SFMBT2: variants seen among roughly 807,000 people sequenced by gnomAD.
The protein encoded by SFMBT2 is scm-like with four MBT domains protein 2.
SFMBT2 carries 38 observed loss-of-function variants against 110.1 expected under a neutral mutation model. That is an observed-to-expected ratio of 0.35 (90% confidence interval 0.27 to 0.45). The LOEUF (loss-of-function observed/expected upper bound fraction) is 0.45, where lower values mean the gene tolerates loss of function less well. SFMBT2 is among the 20% of genes least tolerant of loss of function. SFMBT2 has a pLI of 1.00. For missense variants in SFMBT2, 1,011 were observed against 1,094.9 expected (o/e 0.92, Z 1.08); for synonymous variants, 425 against 425.4 (o/e 1.00, Z 0.01).
chr10:7,228,402 C>A (rs546840956), intron 9 of SFMBT2: 1 of 812,446 alleles, frequency 1.2e-6, no homozygotes, highest in African/African-American at 1.9e-5. Context: ...AAAACAGTAC[C>A]AGGGACGACT....
At position 7,186,423 on chromosome 10, in the gene SFMBT2, T is replaced by TACACACACACACACAC. The variant is rs766631230; in HGVS notation, c.1808+2200_1808+2201insGTGTGTGTGTGTGTGT. 5.5e-5 allele frequency among the ~76,000 whole-genome samples: 6 copies of TACACACACACACACAC among 108,124 alleles called. No individual in the cohort carries two copies. The South Asian group carries it at 1.2e-3, about 22-fold the overall frequency. The allele number at this position is 108,124 out of a possible 152,430, so 70.9% of individuals were successfully genotyped here. ...CATATACACATACATACATACTATA[T>TACACACACACACACAC]ATACACACACACACACACACACACA... On this transcript the variant is annotated intron_variant, in intron 16 of 20. Transcript: ENST00000397167.
intron 4 of SFMBT2, among the ~76,000 whole-genome samples, chr10:7,315,204 C>T (rs1423703068): frequency 1.3e-5 from 2 of 152,176 alleles, no homozygotes; most frequent in African/African-American, 2.4e-5. Context: ...TGTGCCTGGC[C>T]ATGATGCTCA....
chr10:7,397,026 C>T (rs1220109570), intron 1 of SFMBT2, among the ~76,000 whole-genome samples: 2 of 151,986 alleles, frequency 1.3e-5, no homozygotes, highest in South Asian at 2.1e-4. Context: ...GCACGTTGTG[C>T]ACATGTACCC....
chr10:7,242,839 C>T (rs1052037649), intron 9 of SFMBT2, among the ~76,000 whole-genome samples: 1 of 152,210 alleles, frequency 6.6e-6, no homozygotes, highest in South Asian at 2.1e-4. Flanking sequence ...TACAAAACCC[C>T]TTATTATTTA....
chr10:7,173,724 C>T (rs1837961438), intron 17 of SFMBT2, among the ~76,000 whole-genome samples: 1 of 152,224 alleles, frequency 6.6e-6, no homozygotes, highest in African/African-American at 2.4e-5. Flanking sequence ...AAAGGTTCAA[C>T]CGTCCCACTA....
intron 7 of SFMBT2, among the ~76,000 whole-genome samples, chr10:7,263,754 T>C (rs963724894): frequency 1.3e-5 from 2 of 152,204 alleles, no homozygotes; most frequent in Non-Finnish European, 2.9e-5. Context: ...ATTTAGCTGC[T>C]GAATAAGGGA....
intron 6 of SFMBT2, among the ~76,000 whole-genome samples, 166 bp downstream of exon 6, chr10:7,283,738 T>C (rs1434999646): frequency 1.3e-5 from 2 of 152,240 alleles, no homozygotes; most frequent in African/African-American, 4.8e-5. Flanking sequence ...ATTGAGGTCT[T>C]AGGTTTTAGT....
intron 4 of SFMBT2, among the ~76,000 whole-genome samples, chr10:7,296,931 G>C (rs954725786): frequency 6.6e-6 from 1 of 152,180 alleles, no homozygotes; most frequent in African/African-American, 2.4e-5. Context: ...GGCTCTTCCT[G>C]GGTCTAAAGC....
chr10:7,401,417 G>A (rs1249875087), intron 1 of SFMBT2, among the ~76,000 whole-genome samples: 1 of 152,188 alleles, frequency 6.6e-6, no homozygotes, highest in Non-Finnish European at 1.5e-5. Flanking sequence ...CACGGAGCTG[G>A]AGGAGTGATC....
Position 7,163,750 on chromosome 10 carries a change from G to T in SFMBT2, c.*20C>A, listed in dbSNP as rs1487175583. 5.6e-6 allele frequency: 9 copies of T among 1,606,638 alleles called. No individual in the cohort carries two copies. Among genetic ancestry groups the T allele is most frequent in the Non-Finnish European group, 7.7e-6 (9 of 1,174,692 alleles). ...CAACACCGCATCCCAGCAATAATGG[G>T]CCACCTCCCGAGGGCAGACTCAGTT... On this transcript the variant is annotated 3_prime_UTR_variant, in exon 21 of 21. Coordinates refer to ENST00000397167, the MANE Select transcript of SFMBT2 (RefSeq NM_001387889.1). The surrounding 1 kb of genome is among the most constrained non-coding windows in gnomAD (Gnocchi z 4.8).
At chr10:7,378,209 G>T in intron 2 of SFMBT2, among the ~76,000 whole-genome samples, 2 of 19,092 alleles carry the variant, frequency 1.0e-4, no homozygotes, top group Admixed American at 4.5e-4. Flanking sequence ...TGTATGTGTG[G>T]ATGTGTGATG....
chr10:7,276,043 T>C (rs11814956), intron 7 of SFMBT2, among the ~76,000 whole-genome samples: 4,452 of 152,362 alleles, frequency 0.029, 229 homozygotes, highest in African/African-American at 0.1. Context: ...TATGATTTCC[T>C]TGGATGAACC....
At chr10:7,236,010 A>T (rs1356210401) in intron 9 of SFMBT2, among the ~76,000 whole-genome samples, 1 of 152,212 alleles carries the variant, frequency 6.6e-6, no homozygotes, top group Non-Finnish European at 1.5e-5. Flanking sequence ...CAAGTATCAC[A>T]AAAGTCATAT....
intron 4 of SFMBT2, among the ~76,000 whole-genome samples, chr10:7,363,720 C>A (rs535092784): frequency 6.6e-6 from 1 of 152,088 alleles, no homozygotes; most frequent in Non-Finnish European, 1.5e-5. Flanking sequence ...ACTAATACCC[C>A]CCTCATGCAA....
At chr10:7,196,220 T>A (rs1476256035) in intron 15 of SFMBT2, among the ~76,000 whole-genome samples, 2 of 152,112 alleles carry the variant, frequency 1.3e-5, no homozygotes, top group Non-Finnish European at 2.9e-5. Flanking sequence ...GCAGGCCCCA[T>A]CCAATTTGCT....
In SFMBT2 at chr10:7,202,857, TA is replaced by T. The variant is rs753412438; in HGVS notation, c.1445-336del. ...GTTCAGATCAATTGTTGCAAGCAGT[TA>T]TCCGGAATGATTTTTTTCCAATAAA... On this transcript the variant is annotated intron_variant, in intron 12 of 20. Transcript: ENST00000397167. 1.6e-5 allele frequency: 16 copies of T among 985,330 alleles called. No homozygotes were observed. In the African/African-American group the frequency reaches 1.7e-4, roughly 11 times the overall value. 61.0% of individuals were successfully genotyped at this position (985,330 alleles called of 1,614,324 possible). A position where few individuals can be genotyped will look rare whatever the true frequency, so the allele number is the denominator to read the frequency against.
intron 2 of SFMBT2, among the ~76,000 whole-genome samples, chr10:7,377,296 C>G (rs2132072298): frequency 6.6e-6 from 1 of 151,866 alleles, no homozygotes; most frequent in South Asian, 2.1e-4. Flanking sequence ...GCGAGGGAGA[C>G]AGTAACACAG....
intron 15 of SFMBT2, among the ~76,000 whole-genome samples, chr10:7,190,222 AT>A (rs1564374533): frequency 1.3e-5 from 2 of 152,206 alleles, no homozygotes; most frequent in Non-Finnish European, 2.9e-5. Flanking sequence ...TATTAGAATA[AT>A]CATCTGATTT....
At chr10:7,343,461 C>T (rs2131989876) in intron 4 of SFMBT2, among the ~76,000 whole-genome samples, 1 of 152,264 alleles carries the variant, frequency 6.6e-6, no homozygotes, top group South Asian at 2.1e-4. Flanking sequence ...TCAGAAATCT[C>T]CAGAGTGCTT....
Sources: allele counts gnomAD v4.1 joint callset (sites outside exome capture counted in the v4.1 genomes callset), GRCh38; gene constraint gnomAD v4.1.1; non-coding constraint Gnocchi (gnomAD v3.1); transcripts MANE v1.5; gene names NCBI Gene and HGNC (gene_info 2026-07-23, HGNC 2026-07-21).